The following H2AC16 variants were observed in gnomAD, a reference collection of about 807,000 sequenced individuals.
H2AC16 encodes the protein histone H2A type 1.
Under a neutral mutation model 6.6 loss-of-function variants are expected in H2AC16, and 11 were observed. The ratio of observed to expected loss-of-function variants is 1.67; its 90% CI spans 1.05 to 2.77. The LOEUF (loss-of-function observed/expected upper bound fraction) is 2.77, where lower values mean the gene tolerates loss of function less well. Among genes scored for constraint, H2AC16 ranks in the 30% most tolerant of loss-of-function variants. H2AC16 has a pLI of 0.00. For missense variants in H2AC16, 212 were observed against 177.1 expected (o/e 1.20, Z -1.12); for synonymous variants, 131 against 80.8 (o/e 1.62, Z -3.33).
Position 27,865,392 on chromosome 6 carries a change from C to T in H2AC16, c.38C>T (p.Ala13Val), listed in dbSNP as rs1467844281. Residue 13 changes from alanine (A) to valine (V), a missense_variant, in exon 1 of 1, where the codon GCC becomes GTC. Physicochemically the swap from Ala to Val is moderately conservative, Grantham distance 64 (BLOSUM62 0). Transcript: ENST00000613174. ...GRGKQGGKAR[A>V]KAKTRSSRAG... is the part of the protein sequence containing the mutation. ...GGCAAGCAGGGAGGCAAAGCTCGCG[C>T]CAAAGCCAAGACCCGCTCTTCTCGT... is the stretch of plus-strand genomic sequence containing the variant. 5 of 1,611,692 alleles carry T rather than the reference C, an allele frequency of 3.1e-6. No individual in the cohort carries two copies. Among genetic ancestry groups the T allele is most frequent in the Non-Finnish European group, 4.2e-6 (5 of 1,178,392 alleles).
At position 27,865,537 on chromosome 6, in the gene H2AC16, C is replaced by T. The variant is rs41269275; in HGVS notation, c.183C>T (p.Ala61=). ...YLAAVLEYLT[A]EILELAGNAA... ...CGGCGGTGCTGGAGTACCTGACTGCCGAGATCCTGGAGCTGGCGGGCAACG... is the reference window on the plus strand; with the variant it reads ...CGGCGGTGCTGGAGTACCTGACTGCTGAGATCCTGGAGCTGGCGGGCAACG... Residue 61 remains alanine, a synonymous_variant, in exon 1 of 1, where the codon GCC becomes GCT. Coordinates refer to ENST00000613174, the MANE Select transcript of H2AC16 (RefSeq NM_003511.3). 8 of 1,614,164 alleles carry T rather than the reference C, an allele frequency of 5.0e-6. No homozygotes were observed. The Admixed American group carries it at 5.0e-5, about 10-fold the overall frequency.
rs750894974 is a variant in H2AC16, at chr6:27,865,461, G to T, written c.107G>T (p.Arg36Leu). The T allele has an allele frequency of 6.2e-7, 1 of 1,614,048 alleles. No individual in the cohort carries two copies. The highest frequency in any genetic ancestry group is 8.5e-7 in the Non-Finnish European group (1 of 1,179,954). Residue 36 changes from arginine to leucine, a missense_variant, in exon 1 of 1, where the codon CGC (arginine) becomes CTC (leucine). By Grantham distance (102) the Arg-to-Leu change is moderately radical. Coordinates refer to ENST00000613174, the MANE Select transcript of H2AC16 (RefSeq NM_003511.3). ...GTGGGCCGAGTGCACCGACTGCTCC[G>T]CAAGGGCAACTATGCTGAGCGGGTC... Reference protein sequence around the residue: ...FPVGRVHRLLRKGNYAERVGA... With the variant: ...FPVGRVHRLLLKGNYAERVGA...
chr6:27,865,429 G>C lies in H2AC16; in HGVS notation c.75G>C (p.Gln25His), dbSNP rs1211533188. The change falls in exon 1 of 1, where the codon CAG (glutamine) becomes CAC (histidine). Residue 25 changes from glutamine to histidine, a missense_variant. Coordinates refer to ENST00000613174, the MANE Select transcript of H2AC16 (RefSeq NM_003511.3). ...AKTRSSRAGL[Q>H]FPVGRVHRLL... ...CCCGCTCTTCTCGTGCCGGTCTCCA[G>C]TTCCCCGTGGGCCGAGTGCACCGAC... The C allele has an allele frequency of 6.2e-7, 1 of 1,613,982 alleles. No individual in the cohort carries two copies. Among genetic ancestry groups the C allele is most frequent in the East Asian group, 2.2e-5 (1 of 44,874 alleles).
rs1561939953 is a variant in H2AC16 at position 27,865,467 on chromosome 6, G to A, written c.113G>A (p.Gly38Asp). 2 of 1,614,088 alleles carry A rather than the reference G, an allele frequency of 1.2e-6. No individual in the cohort carries two copies. The highest frequency in any genetic ancestry group is 1.7e-6 in the Non-Finnish European group (2 of 1,179,958). ...VGRVHRLLRK[G>D]NYAERVGAGA... ...CGAGTGCACCGACTGCTCCGCAAGG[G>A]CAACTATGCTGAGCGGGTCGGGGCC... The change falls in exon 1 of 1, where the codon GGC becomes GAC. Residue 38 changes from glycine (G) to aspartate (D), a missense_variant. Physicochemically the swap from Gly to Asp is moderately conservative, Grantham distance 94. Coordinates refer to ENST00000613174, the MANE Select transcript of H2AC16 (RefSeq NM_003511.3).
chr6:27,865,659 C>A lies in H2AC16; in HGVS notation c.305C>A (p.Thr102Asn). The change falls in exon 1 of 1, where the codon ACC becomes AAC. Residue 102 changes from threonine (T) to asparagine (N), a missense_variant. Physicochemically the swap from Thr to Asn is moderately conservative, Grantham distance 65. Coordinates refer to ENST00000613174, the MANE Select transcript of H2AC16 (RefSeq NM_003511.3). ...CTCAACAAGCTGCTGGGCAAAGTAA[C>A]CATCGCTCAGGGTGGTGTCCTGCCC... Reference protein sequence around the residue: ...EELNKLLGKVTIAQGGVLPNI... With the variant: ...EELNKLLGKVNIAQGGVLPNI... The A allele has an allele frequency of 6.2e-7, 1 of 1,614,248 alleles. No individual in the cohort carries two copies. Among genetic ancestry groups the A allele is most frequent in the Non-Finnish European group, 8.5e-7 (1 of 1,180,042 alleles).
In H2AC16 at chr6:27,865,452, G is replaced by T. The variant is rs879065823; in HGVS notation, c.98G>T (p.Arg33Leu). Residue 33 changes from arginine to leucine, a missense_variant, in exon 1 of 1, where the codon CGA becomes CTA. Arg to Leu is a moderately radical substitution (Grantham distance 102). Coordinates refer to ENST00000613174, the MANE Select transcript of H2AC16 (RefSeq NM_003511.3). ...CAGTTCCCCGTGGGCCGAGTGCACC[G>T]ACTGCTCCGCAAGGGCAACTATGCT... ...GLQFPVGRVH[R>L]LLRKGNYAER... 1 of 1,614,018 alleles carries T rather than the reference G, an allele frequency of 6.2e-7. No individual in the cohort carries two copies. The highest frequency in any genetic ancestry group is 8.5e-7 in the Non-Finnish European group (1 of 1,179,952).
In H2AC16 at chr6:27,865,687, C is replaced by A. The variant is rs777338790; in HGVS notation, c.333C>A (p.Asn111Lys). 23 of 1,614,140 alleles carry A rather than the reference C, an allele frequency of 1.4e-5. No individual in the cohort carries two copies. The highest frequency in any genetic ancestry group is 2.7e-5 in the African/African-American group (2 of 74,938). Residue 111 changes from asparagine to lysine, a missense_variant, in exon 1 of 1, where the codon AAC becomes AAA. By Grantham distance (94) the Asn-to-Lys change is moderately conservative. Coordinates refer to ENST00000613174, the MANE Select transcript of H2AC16 (RefSeq NM_003511.3). ...VTIAQGGVLP[N>K]IQAVLLPKKT... ...TCGCTCAGGGTGGTGTCCTGCCCAACATCCAGGCTGTGCTACTGCCCAAGA... is the reference window on the plus strand; with the variant it reads ...TCGCTCAGGGTGGTGTCCTGCCCAAAATCCAGGCTGTGCTACTGCCCAAGA...
chr6:27,865,497 C>A lies in H2AC16; in HGVS notation c.143C>A (p.Ala48Glu). The A allele has an allele frequency of 6.2e-7, 1 of 1,613,994 alleles. No homozygotes were observed. Among genetic ancestry groups the A allele is most frequent in the South Asian group, 1.1e-5 (1 of 91,072 alleles). The stretch of plus-strand genomic sequence containing the variant: ...TATGCTGAGCGGGTCGGGGCCGGCG[C>A]GCCGGTGTACCTGGCGGCGGTGCTG... ...GNYAERVGAG[A>E]PVYLAAVLEY... The change falls in exon 1 of 1, where the codon GCG becomes GAG. Residue 48 changes from alanine (A) to glutamate (E), a missense_variant. Coordinates refer to ENST00000613174, the MANE Select transcript of H2AC16 (RefSeq NM_003511.3).
chr6:27,865,752 T>C lies in H2AC16; in HGVS notation c.*5T>C, dbSNP rs1761488258. 6.2e-7 allele frequency: 1 copy of C among 1,612,044 alleles called. No homozygotes were observed. Among genetic ancestry groups the C allele is most frequent in the African/African-American group, 1.3e-5 (1 of 74,832 alleles). ...CACAAGGCCAAAGGCAAATAATGTC[T>C]CCATAGAATCACTTTCCAATACAAC... On this transcript the variant is annotated 3_prime_UTR_variant, in exon 1 of 1. Transcript: ENST00000613174.
rs766710032 is a variant in H2AC16 at position 27,865,501 on chromosome 6, G to A, written c.147G>A (p.Pro49=). Residue 49 remains proline, a synonymous_variant, in exon 1 of 1, where the codon CCG becomes CCA. Coordinates refer to ENST00000613174, the MANE Select transcript of H2AC16 (RefSeq NM_003511.3). The part of the protein sequence containing the change: ...NYAERVGAGA[P]VYLAAVLEYL... ...CTGAGCGGGTCGGGGCCGGCGCGCC[G>A]GTGTACCTGGCGGCGGTGCTGGAGT... 3.7e-6 allele frequency: 6 copies of A among 1,614,058 alleles called. No individual in the cohort carries two copies. The highest frequency in any genetic ancestry group is 1.7e-5 in the Admixed American group (1 of 60,022).
Position 27,865,510 on chromosome 6 carries a change from G to T in H2AC16, c.156G>T (p.Leu52=). 3 of 1,614,132 alleles carry T rather than the reference G, an allele frequency of 1.9e-6. No individual in the cohort carries two copies. The highest frequency in any genetic ancestry group is 2.5e-6 in the Non-Finnish European group (3 of 1,180,012). ...ERVGAGAPVY[L]AAVLEYLTAE... ...TCGGGGCCGGCGCGCCGGTGTACCT[G>T]GCGGCGGTGCTGGAGTACCTGACTG... Residue 52 remains leucine (L), a synonymous_variant, in exon 1 of 1, where the codon CTG becomes CTT. Transcript: ENST00000613174.
rs760612287 is a variant in H2AC16, at chr6:27,865,542, T to A, written c.188T>A (p.Ile63Asn). 1.2e-6 allele frequency: 2 copies of A among 1,614,072 alleles called. No homozygotes were observed. Among genetic ancestry groups the A allele is most frequent in the Non-Finnish European group, 1.7e-6 (2 of 1,180,016 alleles). Residue 63 changes from isoleucine (I) to asparagine (N), a missense_variant, in exon 1 of 1, where the codon ATC becomes AAC. Transcript: ENST00000613174. ...GTGCTGGAGTACCTGACTGCCGAGA[T>A]CCTGGAGCTGGCGGGCAACGCCGCC... ...AAVLEYLTAE[I>N]LELAGNAARD... is the part of the protein sequence containing the mutation.
chr6:27,865,394 A>C lies in H2AC16; in HGVS notation c.40A>C (p.Lys14Gln). ...CAAGCAGGGAGGCAAAGCTCGCGCC[A>C]AAGCCAAGACCCGCTCTTCTCGTGC... The part of the protein sequence containing the change: ...RGKQGGKARA[K>Q]AKTRSSRAGL... The change falls in exon 1 of 1, where the codon AAA becomes CAA. Residue 14 changes from lysine (K) to glutamine (Q), a missense_variant. Transcript: ENST00000613174. 6.2e-7 allele frequency: 1 copy of C among 1,611,646 alleles called. No homozygotes were observed.
rs769628494 is a variant in H2AC16 at position 27,865,704 on chromosome 6, T to TTA, written c.350_351insTA (p.Pro118SerfsTer?). 1.2e-5 allele frequency: 20 copies of TTA among 1,614,126 alleles called. No individual in the cohort carries two copies. Among genetic ancestry groups the TTA allele is most frequent in the Admixed American group, 3.3e-5 (2 of 60,004 alleles). On this transcript the variant is annotated frameshift_variant, in exon 1 of 1. Coordinates refer to ENST00000613174, the MANE Select transcript of H2AC16 (RefSeq NM_003511.3). LOFTEE classifies it high-confidence loss of function. ...CTGCCCAACATCCAGGCTGTGCTAC[T>TTA]GCCCAAGAAGACCGAGAGTCACCAC... is the stretch of plus-strand genomic sequence containing the variant.
rs1761483201 is a variant in H2AC16 at position 27,865,584 on chromosome 6, C to A, written c.230C>A (p.Thr77Asn). Reference protein sequence around the residue: ...AGNAARDNKKTRIIPRHLQLA... With the variant: ...AGNAARDNKKNRIIPRHLQLA... Reference sequence around the variant, plus strand: ...AACGCCGCCCGCGACAACAAGAAGACCCGCATTATCCCGCGCCACTTGCAG... The same window carrying A: ...AACGCCGCCCGCGACAACAAGAAGAACCGCATTATCCCGCGCCACTTGCAG... The change falls in exon 1 of 1, where the codon ACC becomes AAC. Residue 77 changes from threonine to asparagine, a missense_variant. Transcript: ENST00000613174. The A allele has an allele frequency of 1.2e-6, 2 of 1,614,116 alleles. No individual in the cohort carries two copies. Among genetic ancestry groups the A allele is most frequent in the African/African-American group, 1.3e-5 (1 of 74,940 alleles).
rs200981 is a variant in H2AC16, at chr6:27,865,396, A to G, written c.42A>G (p.Lys14=). 0.12 allele frequency: 194,430 copies of G among 1,611,568 alleles called. 12,839 individuals are homozygous for G. Among genetic ancestry groups the G allele is most frequent in the African/African-American group, 0.19 (14,010 of 74,882 alleles). The change falls in exon 1 of 1, where the codon AAA becomes AAG. Residue 14 remains lysine (K), a synonymous_variant. Transcript: ENST00000613174. Reference sequence around the variant, plus strand: ...AGCAGGGAGGCAAAGCTCGCGCCAAAGCCAAGACCCGCTCTTCTCGTGCCG... The same window carrying G: ...AGCAGGGAGGCAAAGCTCGCGCCAAGGCCAAGACCCGCTCTTCTCGTGCCG... ...RGKQGGKARA[K]AKTRSSRAGL...
At position 27,865,684 on chromosome 6, in the gene H2AC16, C is replaced by T. The variant is rs1761486494; in HGVS notation, c.330C>T (p.Pro110=). 1 of 1,614,208 alleles carries T rather than the reference C, an allele frequency of 6.2e-7. No individual in the cohort carries two copies. Among genetic ancestry groups the T allele is most frequent in the Non-Finnish European group, 8.5e-7 (1 of 1,180,042 alleles). Residue 110 remains proline (P), a synonymous_variant, in exon 1 of 1, where the codon CCC becomes CCT. Transcript: ENST00000613174. ...KVTIAQGGVL[P]NIQAVLLPKK... ...CCATCGCTCAGGGTGGTGTCCTGCC[C>T]AACATCCAGGCTGTGCTACTGCCCA... is the stretch of plus-strand genomic sequence containing the variant.
Position 27,865,418 on chromosome 6 carries a change from G to A in H2AC16, c.64G>A (p.Ala22Thr), listed in dbSNP as rs1333455809. The A allele has an allele frequency of 1.2e-6, 2 of 1,613,694 alleles. No homozygotes were observed. Among genetic ancestry groups the A allele is most frequent in the East Asian group, 4.5e-5 (2 of 44,866 alleles). ...RAKAKTRSSR[A>T]GLQFPVGRVH... ...CAAAGCCAAGACCCGCTCTTCTCGTGCCGGTCTCCAGTTCCCCGTGGGCCG... is the reference window on the plus strand; with the variant it reads ...CAAAGCCAAGACCCGCTCTTCTCGTACCGGTCTCCAGTTCCCCGTGGGCCG... The change falls in exon 1 of 1, where the codon GCC (alanine) becomes ACC (threonine). Residue 22 changes from alanine (A) to threonine (T), a missense_variant. Transcript: ENST00000613174.
At position 27,865,420 on chromosome 6, in the gene H2AC16, C is replaced by G. The variant is rs770768543; in HGVS notation, c.66C>G (p.Ala22=). ...AAGCCAAGACCCGCTCTTCTCGTGC[C>G]GGTCTCCAGTTCCCCGTGGGCCGAG... is the stretch of plus-strand genomic sequence containing the variant. ...RAKAKTRSSR[A]GLQFPVGRVH... Residue 22 remains alanine (A), a synonymous_variant, in exon 1 of 1, where the codon GCC becomes GCG. Transcript: ENST00000613174. 5.6e-6 allele frequency: 9 copies of G among 1,613,742 alleles called. No individual in the cohort carries two copies. In the South Asian group the frequency reaches 6.6e-5, roughly 12 times the overall value.
Sources: gnomAD v4.1 joint callset for allele counts on GRCh38, gnomAD v4.1.1 for gene constraint, MANE v1.5 for transcripts, NCBI Gene and HGNC (gene_info 2026-07-23, HGNC 2026-07-21) for gene names.